The following PIK3CD variants were observed in gnomAD, a reference collection of about 807,000 sequenced individuals.
PIK3CD encodes phosphatidylinositol 4,5-bisphosphate 3-kinase catalytic subunit delta isoform.
Under a neutral mutation model 122.9 loss-of-function variants are expected in PIK3CD, and 20 were observed. The ratio of observed to expected loss-of-function variants is 0.16; its 90% CI spans 0.11 to 0.24. The LOEUF is 0.24. PIK3CD is among the 10% of genes least tolerant of loss of function. PIK3CD has a pLI of 1.00. For synonymous variants in PIK3CD, 596 were observed against 593.4 expected (o/e 1.00, Z -0.06); for missense variants, 787 against 1,406.3 (o/e 0.56, Z 7.04).
chr1:9,718,772 T>C lies in PIK3CD; in HGVS notation c.1099T>C (p.Ser367Pro). Reference protein sequence around the residue: ...TVSSSEVSVCSEPVWKQRLEF... With the variant: ...TVSSSEVSVCPEPVWKQRLEF... ...GTCCAGCTCGGAGGTGAGCGTGTGC[T>C]CGGAGCCCGTGTGGAAGCAGCGGCT... Residue 367 changes from serine to proline, a missense_variant, in exon 9 of 24, where the codon TCG becomes CCG. Around this residue, in one of 6 missense-constraint regions of PIK3CD, gnomAD observed 592 missense variants for 920.6 expected, o/e 0.64. Coordinates refer to ENST00000377346, the MANE Select transcript of PIK3CD (RefSeq NM_005026.5). This position sits in a 1 kb window ranked among gnomAD's most constrained non-coding sequence, Gnocchi z 7.2. 6.2e-7 allele frequency: 1 copy of C among 1,610,566 alleles called. No individual in the cohort carries two copies. Among genetic ancestry groups the C allele is most frequent in the South Asian group, 1.1e-5 (1 of 91,028 alleles).
At chr1:9,699,016 C>T (rs1437870128) in intron 2 of PIK3CD, among the ~76,000 whole-genome samples, 1 of 151,912 alleles carries the variant, frequency 6.6e-6, no homozygotes. Context: ...AGGGAGGTCC[C>T]GCCCCCTACA....
the PIK3CD span, among the ~76,000 whole-genome samples, chr1:9,641,713 T>C: frequency 1.3e-5 from 2 of 152,080 alleles, no homozygotes; most frequent in Non-Finnish European, 2.9e-5. Context: ...ACCCTCTAAG[T>C]CATTCTCCAG....
chr1:9,712,239 C>G (rs1055545183), intron 3 of PIK3CD, among the ~76,000 whole-genome samples: 1 of 152,054 alleles, frequency 6.6e-6, no homozygotes, highest in Non-Finnish European at 1.5e-5. Flanking sequence ...ATGCCTTGGG[C>G]TGTGGGAGGG....
chr1:9,642,730 A>C, the PIK3CD span, among the ~76,000 whole-genome samples: 1 of 151,468 alleles, frequency 6.6e-6, no homozygotes, highest in Non-Finnish European at 1.5e-5. Context: ...AAAAAAAAAA[A>C]AAAACTTGAC....
In PIK3CD at chr1:9,720,799, G is replaced by C. The variant is rs749871179; in HGVS notation, c.1579G>C (p.Glu527Gln). 1.2e-6 allele frequency: 2 copies of C among 1,613,142 alleles called. No homozygotes were observed. The highest frequency in any genetic ancestry group is 8.5e-7 in the Non-Finnish European group (1 of 1,179,822). ...RRGSGELYEHEKDLVWKLRHE... is the reference protein window; with the variant it reads ...RRGSGELYEHQKDLVWKLRHE... ...GGGGTCTGGGGAGCTGTATGAGCAC[G>C]AGAAGGACCTGGTGTGGAAGCTGCG... Residue 527 changes from glutamate to glutamine, a missense_variant, in exon 13 of 24, where the codon GAG becomes CAG. This residue lies in a region of PIK3CD where 592 missense variants were observed against 920.6 expected (regional missense o/e 0.64). Coordinates refer to ENST00000377346, the MANE Select transcript of PIK3CD (RefSeq NM_005026.5). This position sits in a 1 kb window ranked among gnomAD's most constrained non-coding sequence, Gnocchi z 9.0.
chr1:9,721,960 C>G lies in PIK3CD; in HGVS notation c.2056-15C>G. 1 of 1,613,388 alleles carries G rather than the reference C, an allele frequency of 6.2e-7. No individual in the cohort carries two copies. The highest frequency in any genetic ancestry group is 8.5e-7 in the Non-Finnish European group (1 of 1,179,958). ...CTGGGACCTGCCCACCGCCGCCCTC[C>G]CATCTGCCCACCAGGGGGAAGCACT... On this transcript the variant is annotated splice_polypyrimidine_tract_variant and intron_variant, in intron 16 of 23. Coordinates refer to ENST00000377346, the MANE Select transcript of PIK3CD (RefSeq NM_005026.5).
intron 1 of PIK3CD, among the ~76,000 whole-genome samples, chr1:9,666,227 CTTTTTTTTT>C (rs573382597): frequency 1.1e-4 from 5 of 44,198 alleles, no homozygotes; most frequent in South Asian, 2.3e-3. Flanking sequence ...CGCGCCCGGT[CTTTTTTTTT>C]TTTTTTTTTT....
At chr1:9,675,019 T>TA (rs35270071) in intron 1 of PIK3CD, among the ~76,000 whole-genome samples, 1,649 of 73,956 alleles carry the variant, frequency 0.022, 9 homozygotes, top group South Asian at 0.048. Flanking sequence ...CTGGGCAATG[T>TA]AAAAAAAAAA....
intron 14 of PIK3CD, 63 bp downstream of exon 14, chr1:9,721,311 G>A (rs552055807): frequency 3.7e-6 from 6 of 1,611,270 alleles, no homozygotes; most frequent in South Asian, 2.2e-5. Context: ...CTGCCAGGAC[G>A]TGGGCTCTGG....
At chr1:9,674,626 G>T (rs980752495) in intron 1 of PIK3CD, among the ~76,000 whole-genome samples, 1 of 150,098 alleles carries the variant, frequency 6.7e-6, no homozygotes, top group Non-Finnish European at 1.5e-5. Context: ...AGAGGTGGAG[G>T]CTGCAGTGAG....
At chr1:9,693,266 C>G (rs112474980) in intron 2 of PIK3CD, among the ~76,000 whole-genome samples, 1 of 152,016 alleles carries the variant, frequency 6.6e-6, no homozygotes, top group African/African-American at 2.4e-5. Context: ...GCTCTGTCAC[C>G]CAGGCTGGAG....
chr1:9,705,935 C>G lies in PIK3CD; in HGVS notation c.-32-4489C>G, dbSNP rs79950983. Reference sequence around the variant, plus strand: ...AGTAAAGTTAATGGTGTGGTTATACCGATCGTAGGTTATGCCACATGTGTC... The same window carrying G: ...AGTAAAGTTAATGGTGTGGTTATACGGATCGTAGGTTATGCCACATGTGTC... On this transcript the variant is annotated intron_variant, in intron 2 of 23. Coordinates refer to ENST00000377346, the MANE Select transcript of PIK3CD (RefSeq NM_005026.5). Among the ~76,000 whole-genome samples, 10 of 152,024 alleles carry G rather than the reference C, an allele frequency of 6.6e-5. No individual in the cohort carries two copies. In the East Asian group the frequency reaches 1.2e-3, roughly 18 times the overall value.
intron 1 of PIK3CD, among the ~76,000 whole-genome samples, chr1:9,667,916 T>G (rs868324036): frequency 1.2e-3 from 180 of 145,674 alleles, no homozygotes; most frequent in Middle Eastern, 0.01. Context: ...TTGTTTTTTT[T>G]TTTTTTTTTT....
chr1:9,664,757 A>T (rs898483378), intron 1 of PIK3CD, among the ~76,000 whole-genome samples: 2 of 152,170 alleles, frequency 1.3e-5, no homozygotes, highest in African/African-American at 4.8e-5. Context: ...ATCCCTGCTC[A>T]TGTGAGTATC....
chr1:9,690,821 G>A (rs564120621), intron 1 of PIK3CD, among the ~76,000 whole-genome samples: 19 of 152,356 alleles, frequency 1.2e-4, no homozygotes, highest in South Asian at 8.3e-4. Context: ...GCTCCCAGCT[G>A]TGGAGGTAGC....
At chr1:9,673,096 C>G (rs967911686) in intron 1 of PIK3CD, among the ~76,000 whole-genome samples, 6 of 146,286 alleles carry the variant, frequency 4.1e-5, no homozygotes, top group Non-Finnish European at 1.5e-5. Flanking sequence ...TTTTTTAATC[C>G]TACTTTTTTT....
the PIK3CD span, among the ~76,000 whole-genome samples, chr1:9,628,952 C>T: frequency 6.6e-6 from 1 of 152,134 alleles, no homozygotes; most frequent in African/African-American, 2.4e-5. Context: ...CCAGAAGCCC[C>T]CGTTTGCCGT....
intron 1 of PIK3CD, among the ~76,000 whole-genome samples, chr1:9,674,258 G>A (rs1645429764): frequency 6.6e-6 from 1 of 152,218 alleles, no homozygotes; most frequent in Admixed American, 6.5e-5. Flanking sequence ...TTTGTACTTA[G>A]GAGCTTTGCC....
the PIK3CD span, among the ~76,000 whole-genome samples, chr1:9,630,267 G>A: frequency 6.6e-6 from 1 of 152,262 alleles, no homozygotes; most frequent in Non-Finnish European, 1.5e-5. Flanking sequence ...TCAGGCCTTG[G>A]ATCATGGACT....
Sources: gnomAD v4.1 joint callset for allele counts (sites outside exome capture counted in the v4.1 genomes callset) on GRCh38, gnomAD v4.1.1 for gene constraint, gnomAD v4.1.1 regional missense constraint, Gnocchi (gnomAD v3.1) non-coding constraint, MANE v1.5 for transcripts, NCBI Gene and HGNC (gene_info 2026-07-23, HGNC 2026-07-21) for gene names.